Variants in ATXN10 observed in about 807,000 individuals in gnomAD.
ATXN10 encodes ataxin-10.
Under a neutral mutation model 52.9 loss-of-function variants are expected in ATXN10, and 28 were observed. The observed-to-expected ratio is 0.53, with a 90% CI of 0.39 to 0.73. The LOEUF (loss-of-function observed/expected upper bound fraction) is 0.73, where lower values mean the gene tolerates loss of function less well. Among genes scored for constraint, ATXN10 ranks in the 30% least tolerant of loss-of-function variants. The pLI is 0.00. For synonymous variants in ATXN10, 226 were observed against 221.5 expected (o/e 1.02, Z -0.18); for missense variants, 565 against 577.0 (o/e 0.98, Z 0.21).
chr22:45,713,669 T>C (rs1478639117), intron 5 of ATXN10, among the ~76,000 whole-genome samples: 1 of 152,198 alleles, frequency 6.6e-6, no homozygotes, highest in Non-Finnish European at 1.5e-5. Context: ...AATTATTTGA[T>C]AGACTATATG....
At chr22:45,697,477 C>T (rs1312523408) in intron 3 of ATXN10, among the ~76,000 whole-genome samples, 4 of 152,042 alleles carry the variant, frequency 2.6e-5, no homozygotes, top group Non-Finnish European at 5.9e-5. Flanking sequence ...TGAGCAGCTG[C>T]TCTCTTTCCG....
At chr22:45,697,376 C>T (rs1923652797) in intron 3 of ATXN10, among the ~76,000 whole-genome samples, 2 of 152,148 alleles carry the variant, frequency 1.3e-5, no homozygotes, top group South Asian at 4.2e-4. Context: ...TTCAGGTGAA[C>T]CACCCACCTC....
Position 45,775,570 on chromosome 22 carries a change from G to T in ATXN10, c.1174-31389G>T, listed in dbSNP as rs1307640611. Reference sequence around the variant, plus strand: ...AAATGCAGTTAATATTGGAAAATATGGTTAGAATTAGGTGACTGCCAAACA... The same window carrying T: ...AAATGCAGTTAATATTGGAAAATATTGTTAGAATTAGGTGACTGCCAAACA... On this transcript the variant is annotated intron_variant, in intron 9 of 11. Transcript: ENST00000252934. The surrounding 1 kb of genome is among the most constrained non-coding windows in gnomAD (Gnocchi z 4.7). Among the ~76,000 whole-genome samples the T allele has an allele frequency of 6.6e-6, 1 of 152,200 alleles. No homozygotes were observed. Among genetic ancestry groups the T allele is most frequent in the African/African-American group, 2.4e-5 (1 of 41,448 alleles).
At chr22:45,743,925 G>C (rs932011194) in intron 9 of ATXN10, among the ~76,000 whole-genome samples, 5 of 152,088 alleles carry the variant, frequency 3.3e-5, no homozygotes, top group Non-Finnish European at 5.9e-5. Flanking sequence ...GTGAGAACTT[G>C]CCAAAAGGTT....
chr22:45,843,818 A>G lies in ATXN10; in HGVS notation c.*147A>G. ...TTTTAGGTAGTAGAGTTTAACGTGT[A>G]TAAGCTAAAAGTGAAAGTAACTGAG... On this transcript the variant is annotated 3_prime_UTR_variant, in exon 12 of 12. Transcript: ENST00000252934. This position sits in a 1 kb window ranked among gnomAD's most constrained non-coding sequence, Gnocchi z 4.5. The G allele has an allele frequency of 1.3e-6, 1 of 749,528 alleles. No homozygotes were observed. The highest frequency in any genetic ancestry group is 2.3e-6 in the Non-Finnish European group (1 of 443,034). 46.4% of individuals were successfully genotyped at this position (749,528 alleles called of 1,614,324 possible).
Position 45,688,795 on chromosome 22 carries a change from A to G in ATXN10, c.117-917A>G, listed in dbSNP as rs191511354. Among the ~76,000 whole-genome samples, 5 of 152,344 alleles carry G rather than the reference A, an allele frequency of 3.3e-5. No individual in the cohort carries two copies. In the East Asian group the frequency reaches 9.7e-4, roughly 29 times the overall value. Reference sequence around the variant, plus strand: ...ATGGTCTGAATCATTTGGCATTTATAGAATCTCTTAAATTGTCCAATGTGG... The same window carrying G: ...ATGGTCTGAATCATTTGGCATTTATGGAATCTCTTAAATTGTCCAATGTGG... On this transcript the variant is annotated intron_variant, in intron 1 of 11. Transcript: ENST00000252934. This position sits in a 1 kb window ranked among gnomAD's most constrained non-coding sequence, Gnocchi z 4.0.
chr22:45,686,661 A>C (rs777382653), intron 1 of ATXN10, among the ~76,000 whole-genome samples: 4 of 152,094 alleles, frequency 2.6e-5, no homozygotes, highest in Non-Finnish European at 5.9e-5. Flanking sequence ...CTACTAAAAT[A>C]CAAAAAAATT....
At chr22:45,691,180 G>A (rs1923359270) in intron 2 of ATXN10, among the ~76,000 whole-genome samples, 1 of 152,166 alleles carries the variant, frequency 6.6e-6, no homozygotes, top group African/African-American at 2.4e-5. Flanking sequence ...CTAGTTATAT[G>A]CTAGAAGCAT....
At chr22:45,699,599 T>C (rs1439717818) in intron 3 of ATXN10, among the ~76,000 whole-genome samples, 4 of 146,668 alleles carry the variant, frequency 2.7e-5, no homozygotes, top group African/African-American at 1.0e-4. Context: ...CAAGCAATTC[T>C]CCCTGCCTCA....
rs1023817369 is a variant in ATXN10 at position 45,780,824 on chromosome 22, C to T, written c.1174-26135C>T. Among the ~76,000 whole-genome samples the T allele has an allele frequency of 2.0e-5, 3 of 152,086 alleles. No homozygotes were observed. Among genetic ancestry groups the T allele is most frequent in the Non-Finnish European group, 4.4e-5 (3 of 68,026 alleles). On this transcript the variant is annotated intron_variant, in intron 9 of 11. Transcript: ENST00000252934. The surrounding 1 kb of genome is among the most constrained non-coding windows in gnomAD (Gnocchi z 4.0). Reference sequence around the variant, plus strand: ...ATTAAGGTGGTGCAGATGCACTTCCCGGTATCTCTCCAGCTAAATACATCC... The same window carrying T: ...ATTAAGGTGGTGCAGATGCACTTCCTGGTATCTCTCCAGCTAAATACATCC...
chr22:45,803,857 A>G (rs9306480), intron 9 of ATXN10, among the ~76,000 whole-genome samples: 13 of 151,858 alleles, frequency 8.6e-5, no homozygotes, highest in African/African-American at 3.1e-4. Context: ...GTCATTACCA[A>G]CTTGGCCATA....
Position 45,783,640 on chromosome 22 carries a change from C to T in ATXN10, c.1174-23319C>T, listed in dbSNP as rs1927225514. On this transcript the variant is annotated intron_variant, in intron 9 of 11. Transcript: ENST00000252934. This position sits in a 1 kb window ranked among gnomAD's most constrained non-coding sequence, Gnocchi z 5.0. Reference sequence around the variant, plus strand: ...CTGTGGGGCCTTCTCTCTCCCTTATCCCCACCCACATCCTGACATTGGTAA... The same window carrying T: ...CTGTGGGGCCTTCTCTCTCCCTTATTCCCACCCACATCCTGACATTGGTAA... Among the ~76,000 whole-genome samples the T allele has an allele frequency of 6.6e-6, 1 of 152,190 alleles. No individual in the cohort carries two copies. The highest frequency in any genetic ancestry group is 2.4e-5 in the African/African-American group (1 of 41,452).
intron 5 of ATXN10, among the ~76,000 whole-genome samples, chr22:45,711,110 A>G (rs1924229900): frequency 6.6e-6 from 1 of 152,204 alleles, no homozygotes; most frequent in South Asian, 2.1e-4. Flanking sequence ...TGGGGACATT[A>G]TAAAATGTTA....
Position 45,702,039 on chromosome 22 carries a change from T to A in ATXN10, c.489-650T>A, listed in dbSNP as rs1365931855. Among the ~76,000 whole-genome samples, 6 of 152,234 alleles carry A rather than the reference T, an allele frequency of 3.9e-5. No homozygotes were observed. The East Asian group carries it at 1.2e-3, about 29-fold the overall frequency. ...AAATTTGAATTCCAGTTTTGTCAGG[T>A]GCTGGCTTTGTGCTATTGGCCAAGT... On this transcript the variant is annotated intron_variant, in intron 4 of 11. Transcript: ENST00000252934.
intron 7 of ATXN10, 132 bp downstream of exon 7, chr22:45,729,722 G>T: frequency 9.8e-7 from 1 of 1,018,152 alleles, no homozygotes; most frequent in East Asian, 2.6e-5. Context: ...CCATATATGA[G>T]AATAGTTGGA....
chr22:45,786,438 T>C lies in ATXN10; in HGVS notation c.1174-20521T>C, dbSNP rs1927325985. 6.6e-6 allele frequency among the ~76,000 whole-genome samples: 1 copy of C among 152,218 alleles called. No individual in the cohort carries two copies. The highest frequency in any genetic ancestry group is 6.5e-5 in the Admixed American group (1 of 15,284). On this transcript the variant is annotated intron_variant, in intron 9 of 11. Transcript: ENST00000252934. The surrounding 1 kb of genome is among the most constrained non-coding windows in gnomAD (Gnocchi z 4.1). ...TTCTCGGCCTCACTGTGTTCCCGTG[T>C]GGCCACTGAGGCCCCGTGCAGTGGT...
intron 9 of ATXN10, among the ~76,000 whole-genome samples, chr22:45,756,331 G>T (rs1203226055): frequency 6.6e-6 from 1 of 152,000 alleles, no homozygotes; most frequent in East Asian, 1.9e-4. Context: ...TTTTTGTAGA[G>T]ATGAGGTCTT....
At chr22:45,807,085 C>T (rs1928124071) in intron 10 of ATXN10, 63 bp downstream of exon 10, 2 of 1,347,762 alleles carry the variant, frequency 1.5e-6, no homozygotes, top group African/African-American at 1.4e-5. Flanking sequence ...AAAACAAGTC[C>T]CTTGCCTCAT....
At chr22:45,829,860 A>G (rs1448355204) in intron 10 of ATXN10, among the ~76,000 whole-genome samples, 1 of 152,220 alleles carries the variant, frequency 6.6e-6, no homozygotes, top group African/African-American at 2.4e-5. Context: ...TTGCAGATAT[A>G]GAAAAACCCA....
Sources: allele counts gnomAD v4.1 joint callset (sites outside exome capture counted in the v4.1 genomes callset), GRCh38; gene constraint gnomAD v4.1.1; non-coding constraint Gnocchi (gnomAD v3.1); transcripts MANE v1.5; gene names NCBI Gene and HGNC (gene_info 2026-07-23, HGNC 2026-07-21).